Variants in WDR46 observed in about 807,000 individuals in gnomAD.
WDR46 encodes the protein WD repeat-containing protein 46.
Under a neutral mutation model 74.7 loss-of-function variants are expected in WDR46, and 58 were observed. That is an observed-to-expected ratio of 0.78 (90% confidence interval 0.63 to 0.97). The LOEUF (loss-of-function observed/expected upper bound fraction) is 0.97. Ranked by LOEUF, WDR46 falls within the 50% of genes least tolerant of loss-of-function variation. The pLI, the probability that WDR46 is intolerant of heterozygous loss-of-function variation, is 0.00. For missense variants in WDR46, 702 were observed against 790.1 expected (o/e 0.89, Z 1.34); for synonymous variants, 278 against 297.3 (o/e 0.93, Z 0.67).
At chr6:33,283,081 C>T (rs550459322) in intron 10 of WDR46, among the ~76,000 whole-genome samples, 81 of 152,080 alleles carry the variant, frequency 5.3e-4, no homozygotes, top group Non-Finnish European at 7.6e-4. Context: ...TGGTGGCACA[C>T]ACCTGTAGTC....
At chr6:33,279,965 C>G (rs1176983952) in intron 12 of WDR46, 106 bp from the exon 13 acceptor site, 5 of 1,040,310 alleles carry the variant, frequency 4.8e-6, no homozygotes, top group Non-Finnish European at 5.6e-6. Flanking sequence ...AGACCCCCAG[C>G]ATGAGACATC....
chr6:33,288,846 G>A lies in WDR46; in HGVS notation c.237C>T (p.Pro79=). The part of the protein sequence containing the change: ...ISKKPQVPKK[P]REWKNPESQR... Reference sequence around the variant, plus strand: ...GGGACTCCGGGTTCTTCCATTCTCGGGGTTTCTTCGGGACCTGAGGCTTCT... The same window carrying A: ...GGGACTCCGGGTTCTTCCATTCTCGAGGTTTCTTCGGGACCTGAGGCTTCT... Residue 79 remains proline (P), a synonymous_variant, in exon 2 of 15, where the codon CCC becomes CCT. Transcript: ENST00000374617. The A allele has an allele frequency of 6.2e-7, 1 of 1,614,100 alleles. No homozygotes were observed. The highest frequency in any genetic ancestry group is 1.7e-5 in the Admixed American group (1 of 60,016).
At chr6:33,285,188 A>C (rs1255674128) in intron 10 of WDR46, among the ~76,000 whole-genome samples, 3 of 94,132 alleles carry the variant, frequency 3.2e-5, no homozygotes, top group African/African-American at 1.7e-4. Context: ...TGTATTACAC[A>C]AATATATTTG....
Position 33,279,253 on chromosome 6 carries a change from C to A in WDR46, c.*23G>T. 6.2e-7 allele frequency: 1 copy of A among 1,613,688 alleles called. No homozygotes were observed. On this transcript the variant is annotated 3_prime_UTR_variant, in exon 15 of 15. Coordinates refer to ENST00000374617, the MANE Select transcript of WDR46 (RefSeq NM_005452.6). ...CAGGTGATCTTGGGGAGAGACTGTT[C>A]CCAGGCAACCCTGGAGTCTGGCTCA...
chr6:33,280,401 T>A, intron 12 of WDR46, 27 bp downstream of exon 12: 1 of 1,555,416 alleles, frequency 6.4e-7, no homozygotes, highest in Non-Finnish European at 8.7e-7. Context: ...GGGGGGGATC[T>A]CACCCTCTCC....
chr6:33,282,981 C>T (rs534342966), intron 10 of WDR46, among the ~76,000 whole-genome samples: 3 of 152,256 alleles, frequency 2.0e-5, no homozygotes, highest in South Asian at 2.1e-4. Context: ...GGAGGACAGG[C>T]GGGTGGATCA....
rs1232756184 is a variant in WDR46, at chr6:33,279,704, T to C, written c.1620+60A>G. On this transcript the variant is annotated intron_variant, in intron 13 of 14. Transcript: ENST00000374617. ...TGGCCGCACTTCTGGGGACAAGCCA[T>C]GGTGGGGAGAGGATGTGGGGGAGAA... The C allele has an allele frequency of 1.9e-5, 31 of 1,612,032 alleles. No homozygotes were observed. The Admixed American group carries it at 4.5e-4, about 23-fold the overall frequency.
chr6:33,288,315 C>T (rs1468635866), intron 4 of WDR46, 43 bp downstream of exon 4: 1 of 1,613,466 alleles, frequency 6.2e-7, no homozygotes, highest in Non-Finnish European at 8.5e-7. Context: ...AAAAGACAGT[C>T]CCAAAAGGCA....
At chr6:33,287,745 TGTTAAGGCAGGGGACCACC>T (rs759953676) in intron 6 of WDR46, 27 bp from the exon 7 acceptor site, 3 of 1,611,344 alleles carry the variant, frequency 1.9e-6, no homozygotes, top group Non-Finnish European at 2.5e-6. Flanking sequence ...GCAGGCAGGG[TGTTAAGGCAGGGGACCACC>T]GACTCAGACA....
rs761554438 is a variant in WDR46 at position 33,280,948 on chromosome 6, G to A, written c.1155C>T (p.Ile385=). Residue 385 remains isoleucine (I), a synonymous_variant, in exon 11 of 15, where the codon ATC becomes ATT. Transcript: ENST00000374617. ...ATSGLDHQLK[I]FDLRGTYQPL... Reference sequence around the variant, plus strand: ...GCTGGTACGTCCCTCGCAAGTCAAAGATCTTCAGCTGGTGGTCTAGGCCAG... The same window carrying A: ...GCTGGTACGTCCCTCGCAAGTCAAAAATCTTCAGCTGGTGGTCTAGGCCAG... The A allele has an allele frequency of 2.5e-6, 4 of 1,613,210 alleles. No individual in the cohort carries two copies. The highest frequency in any genetic ancestry group is 2.5e-6 in the Non-Finnish European group (3 of 1,179,394).
rs14398 is a variant in WDR46, at chr6:33,286,888, A to G, written c.1022T>C (p.Val341Ala). 216,141 of 1,613,936 alleles carry G rather than the reference A, an allele frequency of 0.13. 15,849 individuals are homozygous for G. Among genetic ancestry groups the G allele is most frequent in the South Asian group, 0.2 (18,429 of 91,062 alleles). ...VIHLGHSNGT[V>A]SLWSPAMKEP... The stretch of plus-strand genomic sequence containing the variant: ...CTTCATAGCTGGACTCCATAAAGAC[A>G]CAGTACCTGGAAGAGAAGAAGAACC... The change falls in exon 10 of 15, where the codon GTG (valine) becomes GCG (alanine). Residue 341 changes from valine (V) to alanine (A), a missense_variant. Val to Ala is a moderately conservative substitution (Grantham distance 64). Coordinates refer to ENST00000374617, the MANE Select transcript of WDR46 (RefSeq NM_005452.6).
chr6:33,288,664 C>CGGGGG lies in WDR46; in HGVS notation c.305_309dup (p.Val104ProfsTer90). 1 of 1,582,636 alleles carries CGGGGG rather than the reference C, an allele frequency of 6.3e-7. No homozygotes were observed. Among genetic ancestry groups the CGGGGG allele is most frequent in the Admixed American group, 1.8e-5 (1 of 54,626 alleles). ...AACTTCTGGACCACTTCCACAGGGA[C>CGGGGG]GGGGGCGGGGCCTGGGAATGGATCT... is the stretch of plus-strand genomic sequence containing the variant. On this transcript the variant is annotated frameshift_variant, in exon 3 of 15. Coordinates refer to ENST00000374617, the MANE Select transcript of WDR46 (RefSeq NM_005452.6). LOFTEE classifies it high-confidence loss of function.
intron 6 of WDR46, 59 bp downstream of exon 6, chr6:33,287,906 T>G: frequency 3.8e-6 from 6 of 1,598,472 alleles, no homozygotes. Flanking sequence ...ACACTGGGAA[T>G]GGCTGAAGTG....
At chr6:33,282,166 T>C (rs1356021332) in intron 10 of WDR46, among the ~76,000 whole-genome samples, 1 of 152,098 alleles carries the variant, frequency 6.6e-6, no homozygotes, top group East Asian at 1.9e-4. Context: ...ACCAGCCAGG[T>C]AGGGGATGTA....
rs432490 is a variant in WDR46 at position 33,280,304 on chromosome 6, T to A, written c.1524+124A>T. The A allele has an allele frequency of 3.1e-6, 3 of 963,238 alleles. No individual in the cohort carries two copies. In the East Asian group the frequency reaches 8.1e-5, roughly 26 times the overall value. 59.7% of individuals were successfully genotyped at this position (963,238 alleles called of 1,614,324 possible). A position where few individuals can be genotyped will look rare whatever the true frequency, so the allele number is the denominator to read the frequency against. ...TTCTCCAGCAGTGGGGAACCTGACC[T>A]TCTCCAGCAGGGGGGAACCTGACCT... On this transcript the variant is annotated intron_variant, in intron 12 of 14. Transcript: ENST00000374617.
intron 10 of WDR46, among the ~76,000 whole-genome samples, chr6:33,281,271 C>T (rs751180065): frequency 2.0e-5 from 3 of 152,150 alleles, no homozygotes; most frequent in Admixed American, 6.5e-5. Flanking sequence ...AACCTGCTAA[C>T]ACCACACAGC....
Position 33,279,827 on chromosome 6 carries a change from T to C in WDR46, c.1557A>G (p.Arg519=). The change falls in exon 13 of 15, where the codon CGA becomes CGG. Residue 519 remains arginine, a synonymous_variant. Coordinates refer to ENST00000374617, the MANE Select transcript of WDR46 (RefSeq NM_005452.6). ...VPAELICLDP[R]ALAEVDVISL... ...AGATGACATCCACCTCGGCCAGGGC[T>C]CGTGGGTCCAGACAAATAAGCTCTG... 1 of 1,614,050 alleles carries C rather than the reference T, an allele frequency of 6.2e-7. No homozygotes were observed.
Position 33,279,181 on chromosome 6 carries a change from GC to G in WDR46, c.*94del. 1 of 1,548,050 alleles carries G rather than the reference GC, an allele frequency of 6.5e-7. No individual in the cohort carries two copies. Among genetic ancestry groups the G allele is most frequent in the Non-Finnish European group, 8.8e-7 (1 of 1,136,276 alleles). ...CTGTCCACCCCCAGTTGGGGAAGGG[GC>G]CACACTGCCCCCACCTCCTTGTTCC... On this transcript the variant is annotated 3_prime_UTR_variant, in exon 15 of 15. Transcript: ENST00000374617.
At chr6:33,285,148 G>C (rs935135346) in intron 10 of WDR46, among the ~76,000 whole-genome samples, 2 of 152,104 alleles carry the variant, frequency 1.3e-5, no homozygotes, top group African/African-American at 4.8e-5. Context: ...ACCTCAAAAA[G>C]AGAAATTCAG....
Sources: allele counts gnomAD v4.1 joint callset (sites outside exome capture counted in the v4.1 genomes callset), GRCh38; gene constraint gnomAD v4.1.1; transcripts MANE v1.5; gene names NCBI Gene and HGNC (gene_info 2026-07-23, HGNC 2026-07-21).